NCOA2: variants seen among roughly 807,000 people sequenced by gnomAD.
The protein encoded by NCOA2 is nuclear receptor coactivator 2.
A neutral mutation model predicts 145.1 loss-of-function variants in NCOA2; 21 were observed. The observed-to-expected ratio is 0.14, with a 90% CI of 0.10 to 0.21. The LOEUF (loss-of-function observed/expected upper bound fraction) is 0.21. Ranked by LOEUF, NCOA2 falls within the 10% of genes least tolerant of loss-of-function variation. The pLI, the probability that NCOA2 is intolerant of heterozygous loss-of-function variation, is 1.00. For synonymous variants in NCOA2, 619 were observed against 637.5 expected (o/e 0.97, Z 0.44); for missense variants, 1,472 against 1,837.6 (o/e 0.80, Z 3.64).
chr8:70,396,537 G>C (rs1009793136), intron 1 of NCOA2, among the ~76,000 whole-genome samples: 1 of 152,028 alleles, frequency 6.6e-6, no homozygotes, highest in African/African-American at 2.4e-5. Flanking sequence ...CCCTGCACTT[G>C]GTTTTCAGTA....
chr8:70,423,293 C>T, the NCOA2 span, among the ~76,000 whole-genome samples: 1 of 152,142 alleles, frequency 6.6e-6, no homozygotes, highest in Non-Finnish European at 1.5e-5. Context: ...AAGTGATTCT[C>T]CTGCCTCAGC....
At chr8:70,428,810 G>A in the NCOA2 span, among the ~76,000 whole-genome samples, 10 of 151,634 alleles carry the variant, frequency 6.6e-5, no homozygotes, top group African/African-American at 1.9e-4. Context: ...ATTGCTCAGC[G>A]AGCAATATGC....
At chr8:70,155,521 A>G (rs1438823459) in intron 11 of NCOA2, among the ~76,000 whole-genome samples, 3 of 152,276 alleles carry the variant, frequency 2.0e-5, no homozygotes, top group Non-Finnish European at 2.9e-5. Context: ...TGTATGAGCT[A>G]AGAATGAATT....
intron 1 of NCOA2, among the ~76,000 whole-genome samples, chr8:70,377,783 TC>T (rs1446586614): frequency 6.6e-6 from 1 of 152,162 alleles, no homozygotes; most frequent in Non-Finnish European, 1.5e-5. Context: ...ATGTGACAGT[TC>T]TTGCACAAAA....
intron 11 of NCOA2, among the ~76,000 whole-genome samples, chr8:70,154,217 G>C (rs1337395530): frequency 6.6e-6 from 1 of 152,176 alleles, no homozygotes; most frequent in Non-Finnish European, 1.5e-5. Flanking sequence ...GACAAACCTT[G>C]AGTCATTTAA....
At chr8:70,337,340 TGAGAG>T (rs1166100005) in intron 1 of NCOA2, among the ~76,000 whole-genome samples, 1 of 151,926 alleles carries the variant, frequency 6.6e-6, no homozygotes, top group Non-Finnish European at 1.5e-5. Context: ...AGAAAAAGCT[TGAGAG>T]GAAAGAGTCT....
chr8:70,252,422 TAAAAC>T (rs1021455447), intron 2 of NCOA2, among the ~76,000 whole-genome samples: 1 of 152,028 alleles, frequency 6.6e-6, no homozygotes, highest in African/African-American at 2.4e-5. Context: ...TTTTAAAAAA[TAAAAC>T]AAAATAAAAC....
At chr8:70,283,060 C>T (rs140627014) in intron 2 of NCOA2, among the ~76,000 whole-genome samples, 1 of 152,222 alleles carries the variant, frequency 6.6e-6, no homozygotes, top group Non-Finnish European at 1.5e-5. Context: ...AGCTTGGCCC[C>T]AGGACTCTGG....
chr8:70,433,538 G>A, the NCOA2 span, among the ~76,000 whole-genome samples: 3 of 152,210 alleles, frequency 2.0e-5, no homozygotes, highest in Non-Finnish European at 4.4e-5. Context: ...TAGAGTGTGA[G>A]TGGTGATGGA....
intron 1 of NCOA2, among the ~76,000 whole-genome samples, chr8:70,394,432 C>T (rs370823238): frequency 2.6e-5 from 4 of 152,284 alleles, no homozygotes; most frequent in Admixed American, 1.3e-4. Context: ...TGGGATTACA[C>T]GCGTGAGTCA....
chr8:70,291,033 G>C (rs975428416), intron 2 of NCOA2, among the ~76,000 whole-genome samples: 25 of 152,244 alleles, frequency 1.6e-4, no homozygotes, highest in African/African-American at 6.0e-4. Context: ...AAGTTACTGT[G>C]GTGGCATTTA....
chr8:70,242,248 C>T (rs899374868), intron 2 of NCOA2, among the ~76,000 whole-genome samples: 5 of 152,098 alleles, frequency 3.3e-5, no homozygotes, highest in African/African-American at 1.2e-4. Flanking sequence ...TTAATCTTGA[C>T]TGACTTTTAA....
At chr8:70,155,823 C>T (rs971021027) in intron 11 of NCOA2, 148 bp downstream of exon 11, 1 of 693,138 alleles carries the variant, frequency 1.4e-6, no homozygotes, top group East Asian at 2.8e-5. Context: ...ATTTGAAACA[C>T]ACAGCTTCAG....
intron 4 of NCOA2, among the ~76,000 whole-genome samples, chr8:70,195,490 C>T (rs913174001): frequency 1.3e-5 from 2 of 152,166 alleles, no homozygotes; most frequent in Non-Finnish European, 2.9e-5. Context: ...AGGACCCATA[C>T]AAGTAAGGGG....
At chr8:70,269,299 C>T (rs1410364664) in intron 2 of NCOA2, among the ~76,000 whole-genome samples, 1 of 152,036 alleles carries the variant, frequency 6.6e-6, no homozygotes, top group Non-Finnish European at 1.5e-5. Context: ...CAACTGCAAG[C>T]ATACTTGCCA....
At chr8:70,218,119 T>C (rs1484374828) in intron 2 of NCOA2, among the ~76,000 whole-genome samples, 3 of 151,732 alleles carry the variant, frequency 2.0e-5, no homozygotes, top group Non-Finnish European at 4.4e-5. Flanking sequence ...ACTTCTTCCC[T>C]GTAATCTGGG....
intron 2 of NCOA2, among the ~76,000 whole-genome samples, chr8:70,218,681 G>GTTTCA (rs1420567214): frequency 6.6e-6 from 1 of 152,086 alleles, no homozygotes; most frequent in Non-Finnish European, 1.5e-5. Context: ...AATTCCCATG[G>GTTTCA]TTTCAATCAT....
At chr8:70,207,399 T>C (rs560490329) in intron 4 of NCOA2, among the ~76,000 whole-genome samples, 1 of 152,122 alleles carries the variant, frequency 6.6e-6, no homozygotes, top group Non-Finnish European at 1.5e-5. Flanking sequence ...AAAACTTCCA[T>C]GTACTTAAGA....
At chr8:70,370,903 T>C (rs1811155741) in intron 1 of NCOA2, among the ~76,000 whole-genome samples, 1 of 152,174 alleles carries the variant, frequency 6.6e-6, no homozygotes, top group Non-Finnish European at 1.5e-5. Flanking sequence ...ACTAGTGATA[T>C]TAAATTAAAG....
Sources: allele counts gnomAD v4.1 joint callset (sites outside exome capture counted in the v4.1 genomes callset), GRCh38; gene constraint gnomAD v4.1.1; transcripts MANE v1.5; gene names NCBI Gene and HGNC (gene_info 2026-07-23, HGNC 2026-07-21).